SPOCK1: variants seen among roughly 807,000 people sequenced by gnomAD.
SPOCK1 encodes testican-1.
Under a neutral mutation model 55.3 loss-of-function variants are expected in SPOCK1, and 23 were observed. The observed-to-expected ratio is 0.42, with a 90% CI of 0.30 to 0.59. The LOEUF is 0.59. Among genes scored for constraint, SPOCK1 ranks in the 20% least tolerant of loss-of-function variants. SPOCK1 has a pLI of 0.22. For missense variants in SPOCK1, 499 were observed against 552.5 expected, an observed-to-expected ratio of 0.90 and a Z score of 0.97; for synonymous variants, 226 against 221.0, an observed-to-expected ratio of 1.02 and a Z score of -0.20.
intron 3 of SPOCK1, among the ~76,000 whole-genome samples, chr5:137,200,885 A>G (rs2127075989): frequency 6.6e-6 from 1 of 152,302 alleles, no homozygotes; most frequent in Middle Eastern, 3.4e-3. Flanking sequence ...CCGATTCTAG[A>G]ATAAGTCTTC....
chr5:137,167,038 A>T (rs12517247), intron 3 of SPOCK1, among the ~76,000 whole-genome samples: 3 of 152,020 alleles, frequency 2.0e-5, no homozygotes, highest in Admixed American at 6.6e-5. Flanking sequence ...GAATGGATTT[A>T]AAAAAACACT....
At chr5:137,204,722 G>C (rs1755489535) in intron 3 of SPOCK1, among the ~76,000 whole-genome samples, 1 of 152,092 alleles carries the variant, frequency 6.6e-6, no homozygotes, top group South Asian at 2.1e-4. Flanking sequence ...CCAACAGCCA[G>C]ACTTGTCTGC....
At position 137,492,697 on chromosome 5, in the gene SPOCK1, G is replaced by C. The variant is rs141933704; in HGVS notation, c.186+5676C>G. 1.5e-3 allele frequency among the ~76,000 whole-genome samples: 223 copies of C among 152,294 alleles called. 1 individual carries two copies. The highest frequency in any genetic ancestry group is 4.8e-3 in the African/African-American group (201 of 41,556). ...TAAATGAACTGTGTAAGTTTTTTAT[G>C]GGGGGAGGGCACAATGAGAGTGTGC... On this transcript the variant is annotated intron_variant, in intron 2 of 10. Coordinates refer to ENST00000394945, the MANE Select transcript of SPOCK1 (RefSeq NM_004598.4).
intron 2 of SPOCK1, among the ~76,000 whole-genome samples, chr5:137,468,971 A>G (rs1753677822): frequency 6.6e-6 from 1 of 152,190 alleles, no homozygotes; most frequent in African/African-American, 2.4e-5. Context: ...TGATGGGCCT[A>G]CGGAAAACTA....
intron 3 of SPOCK1, among the ~76,000 whole-genome samples, chr5:137,262,692 A>C (rs1361123667): frequency 6.6e-6 from 1 of 152,218 alleles, no homozygotes; most frequent in Non-Finnish European, 1.5e-5. Flanking sequence ...GGGGATCTGG[A>C]GTGTACCAGT....
intron 2 of SPOCK1, among the ~76,000 whole-genome samples, chr5:137,318,536 G>C (rs932694721): frequency 1.3e-5 from 2 of 152,178 alleles, no homozygotes; most frequent in Non-Finnish European, 2.9e-5. Flanking sequence ...AAGAGTGCTC[G>C]AGATTCCTCT....
chr5:137,147,382 T>C (rs186388869), intron 3 of SPOCK1, among the ~76,000 whole-genome samples: 1,686 of 152,362 alleles, frequency 0.011, 14 homozygotes, highest in Non-Finnish European at 0.016. Context: ...TGTGTTAGTC[T>C]GCTCGGGCAG....
At chr5:137,316,913 T>A (rs1230088980) in intron 2 of SPOCK1, among the ~76,000 whole-genome samples, 1 of 152,152 alleles carries the variant, frequency 6.6e-6, no homozygotes, top group Non-Finnish European at 1.5e-5. Flanking sequence ...TTGGAGGAGA[T>A]CCATTTAAGA....
intron 2 of SPOCK1, among the ~76,000 whole-genome samples, chr5:137,314,412 T>A (rs1757841118): frequency 1.3e-5 from 2 of 152,162 alleles, no homozygotes; most frequent in Non-Finnish European, 1.5e-5. Context: ...GACACATGAT[T>A]CCACAGAAGG....
chr5:137,370,882 G>T (rs2127170662), intron 2 of SPOCK1, among the ~76,000 whole-genome samples: 1 of 152,296 alleles, frequency 6.6e-6, no homozygotes, highest in East Asian at 1.9e-4. Context: ...ATGGGCCTCA[G>T]GTCCATGAAT....
At chr5:137,202,211 T>A (rs1755438856) in intron 3 of SPOCK1, among the ~76,000 whole-genome samples, 1 of 151,606 alleles carries the variant, frequency 6.6e-6, no homozygotes, top group African/African-American at 2.4e-5. Flanking sequence ...CCACTTCCAA[T>A]CCCAACACAG....
At chr5:137,177,196 T>C (rs187328212) in intron 3 of SPOCK1, among the ~76,000 whole-genome samples, 11 of 152,334 alleles carry the variant, frequency 7.2e-5, no homozygotes, top group Admixed American at 4.6e-4. Context: ...ACTTTTTTCT[T>C]AGTAGCTGCA....
At chr5:137,206,307 G>C (rs1755519945) in intron 3 of SPOCK1, among the ~76,000 whole-genome samples, 1 of 152,200 alleles carries the variant, frequency 6.6e-6, no homozygotes, top group Admixed American at 6.5e-5. Flanking sequence ...CAAGCCTCTG[G>C]AGCTTCATGC....
chr5:137,085,997 A>G lies in SPOCK1; in HGVS notation c.475-18168T>C, dbSNP rs969830259. 2.0e-5 allele frequency among the ~76,000 whole-genome samples: 3 copies of G among 152,176 alleles called. No individual in the cohort carries two copies. The East Asian group carries it at 5.8e-4, about 29-fold the overall frequency. ...CCTCGTTCTCCCATCTATAGACTAG[A>G]GGTAATAGTACCTATTTCAAATGCT... On this transcript the variant is annotated intron_variant, in intron 5 of 10. Coordinates refer to ENST00000394945, the MANE Select transcript of SPOCK1 (RefSeq NM_004598.4).
intron 3 of SPOCK1, among the ~76,000 whole-genome samples, chr5:137,220,789 T>C (rs987249865): frequency 6.6e-6 from 1 of 152,172 alleles, no homozygotes; most frequent in African/African-American, 2.4e-5. Context: ...AGTGAGTGAA[T>C]AAGTGAAGGT....
At chr5:137,152,873 A>G (rs1000869310) in intron 3 of SPOCK1, among the ~76,000 whole-genome samples, 1 of 152,218 alleles carries the variant, frequency 6.6e-6, no homozygotes, top group African/African-American at 2.4e-5. Context: ...TGCTCAATAC[A>G]AAATACCATT....
At chr5:137,343,627 A>G (rs1412308602) in intron 2 of SPOCK1, among the ~76,000 whole-genome samples, 1 of 152,186 alleles carries the variant, frequency 6.6e-6, no homozygotes, top group Non-Finnish European at 1.5e-5. Flanking sequence ...GAAATCCCAG[A>G]TCCAACAGGA....
intron 6 of SPOCK1, among the ~76,000 whole-genome samples, chr5:137,024,946 A>G (rs1580713170): frequency 6.6e-6 from 1 of 152,210 alleles, no homozygotes; most frequent in South Asian, 2.1e-4. Context: ...AGGAAAACTC[A>G]TAATGCAGCA....
At chr5:137,287,961 C>T (rs1233751726) in intron 2 of SPOCK1, among the ~76,000 whole-genome samples, 1 of 152,112 alleles carries the variant, frequency 6.6e-6, no homozygotes, top group East Asian at 1.9e-4. Flanking sequence ...AAGAGGTAAT[C>T]AATAATCAAG....
Sources: allele counts gnomAD v4.1 joint callset (sites outside exome capture counted in the v4.1 genomes callset), GRCh38; gene constraint gnomAD v4.1.1; transcripts MANE v1.5; gene names NCBI Gene and HGNC (gene_info 2026-07-23, HGNC 2026-07-21).